DZIP3: variants seen among roughly 807,000 people sequenced by gnomAD.
The protein encoded by DZIP3 is E3 ubiquitin-protein ligase DZIP3.
In DZIP3, 118 loss-of-function variants were observed where a neutral mutation model predicts 162.0. That is an observed-to-expected ratio of 0.73 (90% CI 0.63 to 0.85). The LOEUF (loss-of-function observed/expected upper bound fraction) is 0.85, where lower values mean the gene tolerates loss of function less well. DZIP3 is among the 40% of genes least tolerant of loss of function. The pLI is 0.00. For synonymous variants in DZIP3, 438 were observed against 458.6 expected (o/e 0.96, Z 0.57); for missense variants, 1,331 against 1,407.0 (o/e 0.95, Z 0.86).
At chr3:108,608,045 T>C (rs1302934302) in intron 2 of DZIP3, 44 bp from the exon 3 acceptor site, 1 of 1,481,818 alleles carries the variant, frequency 6.7e-7, no homozygotes, top group East Asian at 2.3e-5. Context: ...TTGTGTTCTT[T>C]GTGAGAAGAT....
At chr3:108,657,147 G>T (rs1413652236) in intron 19 of DZIP3, among the ~76,000 whole-genome samples, 1 of 152,138 alleles carries the variant, frequency 6.6e-6, no homozygotes, top group Non-Finnish European at 1.5e-5. Flanking sequence ...ACGCCACAAA[G>T]ATACTACTCG....
intron 5 of DZIP3, 76 bp downstream of exon 5, chr3:108,616,733 G>C: frequency 9.5e-7 from 1 of 1,053,478 alleles, no homozygotes; most frequent in Non-Finnish European, 1.4e-6. Flanking sequence ...GCCAATGCAT[G>C]CTTATTTTAA....
At chr3:108,675,499 A>C (rs1337307466) in intron 24 of DZIP3, among the ~76,000 whole-genome samples, 2 of 152,048 alleles carry the variant, frequency 1.3e-5, no homozygotes, top group African/African-American at 4.8e-5. Flanking sequence ...GATTCCTTAC[A>C]AAGGTTTTAT....
chr3:108,693,449 C>T lies in DZIP3; in HGVS notation c.*96C>T, dbSNP rs966357095. On this transcript the variant is annotated 3_prime_UTR_variant, in exon 33 of 33. Coordinates refer to ENST00000361582, the MANE Select transcript of DZIP3 (RefSeq NM_014648.4). ...CTTGTAATGTCTTATGAGTGACAATCGTTAGTTTGAGGAATTTTGTGAGAC... is the reference window on the plus strand; with the variant it reads ...CTTGTAATGTCTTATGAGTGACAATTGTTAGTTTGAGGAATTTTGTGAGAC... 3 of 152,066 alleles carry T rather than the reference C, an allele frequency of 2.0e-5. No individual in the cohort carries two copies. Among genetic ancestry groups the T allele is most frequent in the Non-Finnish European group, 2.9e-5 (2 of 68,030 alleles). The allele number at this position is 152,066 out of a possible 1,614,324, so 9.4% of individuals were successfully genotyped here.
At chr3:108,655,613 C>T (rs926628091) in intron 19 of DZIP3, among the ~76,000 whole-genome samples, 3 of 151,928 alleles carry the variant, frequency 2.0e-5, no homozygotes, top group Non-Finnish European at 2.9e-5. Context: ...AACTAAGGTA[C>T]TGGGTTCATC....
In DZIP3 at chr3:108,624,572, A is replaced by G. The variant is rs771813038; in HGVS notation, c.456+48A>G. On this transcript the variant is annotated intron_variant, in intron 6 of 32. Transcript: ENST00000361582. ...TTTATAAATCTTTTTACATCTTGGA[A>G]TAATCAGGCCAAAGATTATAATATG... is the stretch of plus-strand genomic sequence containing the variant. 7.6e-6 allele frequency: 8 copies of G among 1,047,112 alleles called. No individual in the cohort carries two copies. In the African/African-American group the frequency reaches 1.3e-4, roughly 17 times the overall value. The allele number at this position is 1,047,112 out of a possible 1,614,324, so 64.9% of individuals were successfully genotyped here.
At chr3:108,608,272 C>G in intron 3 of DZIP3, 114 bp downstream of exon 3, 2 of 715,990 alleles carry the variant, frequency 2.8e-6, no homozygotes, top group South Asian at 3.7e-5. Flanking sequence ...TTTGAGTGAG[C>G]CTACTTTCCT....
At chr3:108,597,836 ATATTCT>A (rs1453339091) in intron 1 of DZIP3, among the ~76,000 whole-genome samples, 7 of 152,038 alleles carry the variant, frequency 4.6e-5, no homozygotes, top group Admixed American at 4.6e-4. Flanking sequence ...AAGTGAATTG[ATATTCT>A]TATATTTTCA....
intron 9 of DZIP3, among the ~76,000 whole-genome samples, chr3:108,633,940 G>T (rs1470959626): frequency 6.6e-6 from 1 of 150,530 alleles, no homozygotes; most frequent in African/African-American, 2.5e-5. Flanking sequence ...GAATACTTCT[G>T]ATAGATCTCT....
intron 32 of DZIP3, among the ~76,000 whole-genome samples, chr3:108,693,018 A>G (rs1222370217): frequency 3.3e-5 from 5 of 151,094 alleles, no homozygotes; most frequent in Non-Finnish European, 7.4e-5. Context: ...TGTGCCTGTC[A>G]TGTGAGGGAC....
intron 13 of DZIP3, 50 bp from the exon 14 acceptor site, chr3:108,644,114 A>C (rs77171800): frequency 0.081 from 123,515 of 1,529,100 alleles, 5,682 homozygotes; most frequent in South Asian, 0.1. Context: ...GACCAAATAG[A>C]AAATGAGCAT....
intron 1 of DZIP3, among the ~76,000 whole-genome samples, chr3:108,599,033 C>A (rs1462405568): frequency 6.6e-6 from 1 of 152,168 alleles, no homozygotes; most frequent in Non-Finnish European, 1.5e-5. Flanking sequence ...TTGAATAGAT[C>A]TGAACAGAAT....
intron 14 of DZIP3, among the ~76,000 whole-genome samples, chr3:108,646,355 A>G (rs1175789654): frequency 6.6e-6 from 1 of 152,200 alleles, no homozygotes; most frequent in African/African-American, 2.4e-5. Flanking sequence ...TGCTTGGTTT[A>G]AAGTGCTTGT....
chr3:108,641,060 G>A (rs913684665), intron 12 of DZIP3, among the ~76,000 whole-genome samples: 1 of 151,260 alleles, frequency 6.6e-6, no homozygotes, highest in African/African-American at 2.4e-5. Flanking sequence ...TTATTTTCTG[G>A]TTTGGTTTAT....
intron 18 of DZIP3, among the ~76,000 whole-genome samples, chr3:108,653,273 T>C (rs1942944085): frequency 6.6e-6 from 1 of 151,650 alleles, no homozygotes; most frequent in East Asian, 1.9e-4. Flanking sequence ...TTCATTTTTT[T>C]CTAGATCTCA....
At position 108,644,648 on chromosome 3, in the gene DZIP3, G is replaced by A. The variant is rs371303711; in HGVS notation, c.1626G>A (p.Met542Ile). The change falls in exon 14 of 33, where the codon ATG becomes ATA. Residue 542 changes from methionine to isoleucine, a missense_variant. Met to Ile is a conservative substitution (Grantham distance 10). This residue lies in a region of DZIP3 where 1,278 missense variants were observed against 1,317.1 expected (regional missense o/e 0.97). Coordinates refer to ENST00000361582, the MANE Select transcript of DZIP3 (RefSeq NM_014648.4). ...CAGATATTCTTCTGCGCCTTGGGAT[G>A]ATGCAAGAGGATATTGACAAAGTGA... The part of the protein sequence containing the change: ...KVSDILLRLG[M>I]MQEDIDKVKE... 4 of 1,613,944 alleles carry A rather than the reference G, an allele frequency of 2.5e-6. No homozygotes were observed. The highest frequency in any genetic ancestry group is 2.7e-5 in the African/African-American group (2 of 74,924).
chr3:108,633,781 A>G (rs1225612666), intron 9 of DZIP3, among the ~76,000 whole-genome samples: 2 of 91,350 alleles, frequency 2.2e-5, no homozygotes, highest in South Asian at 4.2e-4. Context: ...TGGATCTATC[A>G]GAGTACTTCT....
At chr3:108,623,090 G>A (rs148159408) in intron 5 of DZIP3, among the ~76,000 whole-genome samples, 18 of 152,080 alleles carry the variant, frequency 1.2e-4, no homozygotes, top group South Asian at 6.2e-4. Flanking sequence ...GGCCCAGGGC[G>A]AGTGCAGAAG....
intron 12 of DZIP3, among the ~76,000 whole-genome samples, chr3:108,641,866 C>T (rs1297910491): frequency 3.3e-5 from 5 of 152,016 alleles, no homozygotes; most frequent in South Asian, 4.1e-4. Flanking sequence ...TTTTGTTTTC[C>T]GTGGTTCATT....
Sources: allele counts gnomAD v4.1 joint callset (sites outside exome capture counted in the v4.1 genomes callset), GRCh38; gene constraint gnomAD v4.1.1; regional missense constraint gnomAD v4.1.1; transcripts MANE v1.5; gene names NCBI Gene and HGNC (gene_info 2026-07-23, HGNC 2026-07-21).